WT1: variants seen among roughly 807,000 people sequenced by gnomAD.
WT1 encodes Wilms tumor protein.
A neutral mutation model predicts 60.8 loss-of-function variants in WT1; 8 were observed. That is an observed-to-expected ratio of 0.13 (90% CI 0.08 to 0.24). The LOEUF (loss-of-function observed/expected upper bound fraction) is 0.24. WT1 is among the 10% of genes least tolerant of loss of function. WT1 has a pLI of 1.00. For missense variants in WT1, 568 were observed against 711.8 expected, an observed-to-expected ratio of 0.80 and a Z score of 2.30; for synonymous variants, 312 against 297.1, an observed-to-expected ratio of 1.05 and a Z score of -0.52.
intron 3 of WT1, among the ~76,000 whole-genome samples, chr11:32,418,380 T>G (rs1257568007): frequency 2.6e-5 from 4 of 152,184 alleles, no homozygotes; most frequent in Non-Finnish European, 5.9e-5. Flanking sequence ...TGTATTTATC[T>G]CATTCCTAGA....
In WT1 at chr11:32,389,083, A is replaced by G. The variant is rs775063171; in HGVS notation, c.1544T>C (p.Met515Thr). ...TCAAAGCGCCAGCTGGAGTTTGGTC[A>G]TGTTTCTCTGATGCATGTTGTGATG... The change falls in exon 10 of 10, where the codon ATG (methionine) becomes ACG (threonine). Residue 515 changes from methionine (M) to threonine (T), a missense_variant. By Grantham distance (81) the Met-to-Thr change is moderately conservative. Coordinates refer to ENST00000452863, the MANE Select transcript of WT1 (RefSeq NM_024426.6). 6.2e-7 allele frequency: 1 copy of G among 1,614,248 alleles called. No individual in the cohort carries two copies. The highest frequency in any genetic ancestry group is 1.1e-5 in the South Asian group (1 of 91,084).
At chr11:32,391,792 C>T (rs1191581547) in intron 9 of WT1, among the ~76,000 whole-genome samples, 180 bp downstream of exon 9, 2 of 152,160 alleles carry the variant, frequency 1.3e-5, no homozygotes, top group Non-Finnish European at 2.9e-5. Context: ...TCCACCCTCC[C>T]CTTCTTTAAA....
chr11:32,421,187 T>C (rs7105624), intron 3 of WT1, among the ~76,000 whole-genome samples: 2,165 of 152,320 alleles, frequency 0.014, 48 homozygotes, highest in African/African-American at 0.049. Context: ...CTGATCTCTT[T>C]GGGCAATCGC....
At chr11:32,419,569 C>G (rs1401192016) in intron 3 of WT1, among the ~76,000 whole-genome samples, 3 of 152,102 alleles carry the variant, frequency 2.0e-5, no homozygotes, top group African/African-American at 7.2e-5. Flanking sequence ...GAGTGACAGA[C>G]GCTGATGCAG....
At chr11:32,394,917 C>A (rs1851922473) in intron 7 of WT1, among the ~76,000 whole-genome samples, 1 of 152,228 alleles carries the variant, frequency 6.6e-6, no homozygotes, top group South Asian at 2.1e-4. Flanking sequence ...TATTCCCTTG[C>A]ATTTTTCAGG....
chr11:32,427,015 C>CGGAGG (rs1249032597), intron 3 of WT1, among the ~76,000 whole-genome samples: 1 of 152,190 alleles, frequency 6.6e-6, no homozygotes, highest in Admixed American at 6.5e-5. Context: ...GGTCCCCGCG[C>CGGAGG]GGAGGGGAGG....
At chr11:32,418,229 T>C (rs1184619417) in intron 3 of WT1, among the ~76,000 whole-genome samples, 1 of 116,892 alleles carries the variant, frequency 8.6e-6, no homozygotes, top group Non-Finnish European at 1.8e-5. Context: ...TTTATAATCC[T>C]GGTACAAGTC....
chr11:32,414,935 G>A (rs374164197), intron 5 of WT1, among the ~76,000 whole-genome samples: 1 of 151,386 alleles, frequency 6.6e-6, no homozygotes, highest in Non-Finnish European at 1.5e-5. Context: ...TGTAAGTAAC[G>A]GACCAATGAA....
intron 1 of WT1, chr11:32,430,727 C>T (rs1853275629): frequency 7.3e-7 from 1 of 1,364,108 alleles, no homozygotes; most frequent in Admixed American, 3.0e-5. Flanking sequence ...AGGCCTCCTC[C>T]CAGACCGGAC....
At chr11:32,392,560 A>T in intron 8 of WT1, 106 bp downstream of exon 8, 1 of 1,112,650 alleles carries the variant, frequency 9.0e-7, no homozygotes, top group African/African-American at 1.5e-5. Flanking sequence ...GAAAAACTAA[A>T]CACATGGCTG....
At position 32,392,829 on chromosome 11, in the gene WT1, T is replaced by A. The variant is rs903643488; in HGVS notation, c.1265-74A>T. On this transcript the variant is annotated intron_variant, in intron 7 of 9. Coordinates refer to ENST00000452863, the MANE Select transcript of WT1 (RefSeq NM_024426.6). ...TCTCATTAAAGGCAACCTCTCCTAC[T>A]AGGACTGAACAGATCCCAAAATGCC... The A allele has an allele frequency of 6.5e-6, 9 of 1,393,140 alleles. No homozygotes were observed. In the African/African-American group the frequency reaches 9.9e-5, roughly 15 times the overall value. The allele number at this position is 1,393,140 out of a possible 1,614,324, so 86.3% of individuals were successfully genotyped here.
intron 5 of WT1, among the ~76,000 whole-genome samples, chr11:32,408,741 A>G (rs1852404950): frequency 6.6e-6 from 1 of 152,172 alleles, no homozygotes; most frequent in Admixed American, 6.5e-5. Context: ...TATTTCCAAT[A>G]AACCAATAGT....
intron 5 of WT1, among the ~76,000 whole-genome samples, chr11:32,407,735 C>T (rs1247210285): frequency 2.6e-5 from 4 of 152,204 alleles, no homozygotes; most frequent in African/African-American, 4.8e-5. Context: ...CAATAAACCC[C>T]GCTGCAAGCC....
intron 3 of WT1, among the ~76,000 whole-genome samples, chr11:32,426,493 G>C (rs1363934560): frequency 6.6e-6 from 1 of 152,206 alleles, no homozygotes; most frequent in Non-Finnish European, 1.5e-5. Flanking sequence ...GGGAGGCGCT[G>C]AGGTGGCAGG....
At chr11:32,400,843 A>G (rs1590346755) in intron 5 of WT1, among the ~76,000 whole-genome samples, 1 of 152,176 alleles carries the variant, frequency 6.6e-6, no homozygotes, top group East Asian at 1.9e-4. Flanking sequence ...GAGGTTTTTC[A>G]CCCACACCAG....
At chr11:32,403,249 C>T (rs1032846678) in intron 5 of WT1, among the ~76,000 whole-genome samples, 5 of 152,166 alleles carry the variant, frequency 3.3e-5, no homozygotes, top group African/African-American at 1.2e-4. Flanking sequence ...ACCTGCAATT[C>T]AACACTTCCC....
rs374791135 is a variant in WT1, at chr11:32,416,560, G to A, written c.966-20C>T. 1.1e-5 allele frequency: 17 copies of A among 1,613,932 alleles called. No homozygotes were observed. The African/African-American group carries it at 2.3e-4, about 22-fold the overall frequency. ...GCAACTCTAGAAAAGAAGAAGAGGT[G>A]GGGAGTGGGGAATGGAGCATGCATG... On this transcript the variant is annotated intron_variant, in intron 4 of 9. Coordinates refer to ENST00000452863, the MANE Select transcript of WT1 (RefSeq NM_024426.6).
At chr11:32,417,729 A>C in intron 3 of WT1, 75 bp from the exon 4 acceptor site, 1 of 1,333,074 alleles carries the variant, frequency 7.5e-7, no homozygotes, top group Non-Finnish European at 1.1e-6. Context: ...AAAGCAATGG[A>C]GTTTTAACTT....
chr11:32,431,114 C>G (rs1462309485), intron 1 of WT1, among the ~76,000 whole-genome samples: 1 of 152,182 alleles, frequency 6.6e-6, no homozygotes, highest in Admixed American at 6.5e-5. Context: ...CCCTCCTCCC[C>G]CGCCGGCGGC....
Sources: gnomAD v4.1 joint callset for allele counts (sites outside exome capture counted in the v4.1 genomes callset) on GRCh38, gnomAD v4.1.1 for gene constraint, MANE v1.5 for transcripts, NCBI Gene and HGNC (gene_info 2026-07-23, HGNC 2026-07-21) for gene names.